GPR20: variants seen among roughly 807,000 people sequenced by gnomAD.
The protein encoded by GPR20 is G protein-coupled receptor 20.
For missense variants in GPR20, 494 were observed against 527.4 expected (o/e 0.94, Z 0.62); for synonymous variants, 241 against 241.9 (o/e 1.00, Z 0.04).
In GPR20 at chr8:141,356,752, G is replaced by A. The variant is rs985937227; in HGVS notation, c.*95C>T. On this transcript the variant is annotated 3_prime_UTR_variant, in exon 2 of 2. Transcript: ENST00000377741. ...TCTGGGTAGCCATCACCAATCAATC[G>A]AGATGGAACCGATTGCCACCCCTGG... 8.4e-6 allele frequency: 7 copies of A among 828,948 alleles called. No homozygotes were observed. The highest frequency in any genetic ancestry group is 6.8e-5 in the African/African-American group (4 of 58,816). 51.3% of individuals were successfully genotyped at this position (828,948 alleles called of 1,614,324 possible). A position where few individuals can be genotyped will look rare whatever the true frequency, so the allele number is the denominator to read the frequency against.
At chr8:141,360,385 T>G (rs1361677136) in intron 1 of GPR20, among the ~76,000 whole-genome samples, 1 of 152,214 alleles carries the variant, frequency 6.6e-6, no homozygotes, top group Non-Finnish European at 1.5e-5. Flanking sequence ...CAATGGGCGT[T>G]GATTCCTGTG....
rs1386369500 is a variant in GPR20 at position 141,357,789 on chromosome 8, C to A, written c.135G>T (p.Leu45=). The change falls in exon 2 of 2, where the codon CTG becomes CTT. Residue 45 remains leucine, a synonymous_variant. Coordinates refer to ENST00000377741, the MANE Select transcript of GPR20 (RefSeq NM_005293.3). The part of the protein sequence containing the change: ...FHLFARLDEE[L]HGTFPGLWLA... ...GCCACAGGCCTGGGAAGGTGCCATG[C>A]AGCTCCTCGTCCAGCCGGGCAAACA... The A allele has an allele frequency of 1.2e-6, 2 of 1,613,412 alleles. No individual in the cohort carries two copies. The highest frequency in any genetic ancestry group is 2.7e-5 in the African/African-American group (2 of 75,064).
intron 1 of GPR20, among the ~76,000 whole-genome samples, chr8:141,361,973 C>T (rs1442556392): frequency 1.3e-5 from 2 of 152,228 alleles, no homozygotes; most frequent in Non-Finnish European, 2.9e-5. Flanking sequence ...CCCTCATGCC[C>T]TCCCCGTAGG....
intron 1 of GPR20, among the ~76,000 whole-genome samples, chr8:141,366,075 G>A (rs1202997099): frequency 6.6e-6 from 1 of 152,204 alleles, no homozygotes; most frequent in Non-Finnish European, 1.5e-5. Context: ...AAGAGGAGAT[G>A]CTAATACCAC....
At chr8:141,358,398 C>T (rs180946246) in intron 1 of GPR20, among the ~76,000 whole-genome samples, 381 of 152,354 alleles carry the variant, frequency 2.5e-3, no homozygotes, top group South Asian at 0.02. Flanking sequence ...GCCACTTAAC[C>T]TCTCTACCTG....
intron 1 of GPR20, among the ~76,000 whole-genome samples, chr8:141,364,539 G>A (rs1831785974): frequency 6.6e-6 from 1 of 152,166 alleles, no homozygotes; most frequent in African/African-American, 2.4e-5. Context: ...CACGCCCACA[G>A]GCCAGGGCTC....
chr8:141,363,117 G>C (rs771123104), intron 1 of GPR20, among the ~76,000 whole-genome samples: 9 of 152,200 alleles, frequency 5.9e-5, no homozygotes, highest in Non-Finnish European at 7.3e-5. Context: ...CGCCACCTTC[G>C]AGGCCTCGGG....
At chr8:141,360,656 C>T (rs922834071) in intron 1 of GPR20, among the ~76,000 whole-genome samples, 17 of 152,224 alleles carry the variant, frequency 1.1e-4, no homozygotes, top group African/African-American at 3.9e-4. Context: ...GGAAGTGGCT[C>T]CCTGGCGAGT....
At chr8:141,364,367 T>C (rs558933118) in intron 1 of GPR20, among the ~76,000 whole-genome samples, 22 of 152,378 alleles carry the variant, frequency 1.4e-4, no homozygotes, top group African/African-American at 4.8e-4. Flanking sequence ...CATCTGCTTT[T>C]GAATATCATC....
At chr8:141,359,532 C>A (rs79162563) in intron 1 of GPR20, among the ~76,000 whole-genome samples, 2 of 152,210 alleles carry the variant, frequency 1.3e-5, no homozygotes, top group South Asian at 2.1e-4. Context: ...GCCACCCCCA[C>A]CACACAAGGG....
At chr8:141,365,579 C>T (rs555450255) in intron 1 of GPR20, among the ~76,000 whole-genome samples, 1 of 152,228 alleles carries the variant, frequency 6.6e-6, no homozygotes, top group African/African-American at 2.4e-5. Flanking sequence ...CCCACCTTTC[C>T]GAGCTGACAG....
chr8:141,366,576 TCA>T (rs745798500), intron 1 of GPR20, among the ~76,000 whole-genome samples: 7 of 152,222 alleles, frequency 4.6e-5, no homozygotes, highest in Non-Finnish European at 1.0e-4. Context: ...TCCCTGGGAC[TCA>T]GTTTCCCCAC....
At chr8:141,358,611 A>G (rs2154616559) in intron 1 of GPR20, among the ~76,000 whole-genome samples, 2 of 152,168 alleles carry the variant, frequency 1.3e-5, no homozygotes, top group Non-Finnish European at 2.9e-5. Context: ...GGGACCACCC[A>G]TCTGTTCTCC....
At chr8:141,365,231 C>T (rs1053388269) in intron 1 of GPR20, among the ~76,000 whole-genome samples, 1 of 152,192 alleles carries the variant, frequency 6.6e-6, no homozygotes, top group Non-Finnish European at 1.5e-5. Flanking sequence ...CTGAAGGGCA[C>T]CCGCTGGGCT....
chr8:141,365,507 G>A (rs1258228818), intron 1 of GPR20, among the ~76,000 whole-genome samples: 2 of 152,228 alleles, frequency 1.3e-5, no homozygotes, highest in Non-Finnish European at 2.9e-5. Context: ...CAGTTTGGAG[G>A]TGTCAGACCA....
intron 1 of GPR20, among the ~76,000 whole-genome samples, chr8:141,366,967 C>T (rs2154616694): frequency 6.6e-6 from 1 of 152,372 alleles, no homozygotes; most frequent in East Asian, 1.9e-4. Context: ...GCCAGCCCAA[C>T]TCACGCCCAT....
intron 1 of GPR20, among the ~76,000 whole-genome samples, chr8:141,360,447 C>T (rs1447846011): frequency 6.6e-6 from 1 of 152,272 alleles, no homozygotes; most frequent in Admixed American, 6.5e-5. Context: ...CCCGGACCTT[C>T]TGTCCCTGTC....
chr8:141,360,073 G>A (rs1405507286), intron 1 of GPR20, among the ~76,000 whole-genome samples: 1 of 152,284 alleles, frequency 6.6e-6, no homozygotes, highest in East Asian at 1.9e-4. Flanking sequence ...CAGCCCAGCA[G>A]GCTCACCAGC....
At position 141,357,415 on chromosome 8, in the gene GPR20, A is replaced by G; in HGVS notation, c.509T>C (p.Val170Ala). The stretch of plus-strand genomic sequence containing the variant: ...GGCGGCCAGCCACACGAAGGCGCAC[A>G]CGGCCCTGGCACAGGCAGGCTGGCG... The part of the protein sequence containing the change: ...RCRQPACARA[V>A]CAFVWLAAGA... The change falls in exon 2 of 2, where the codon GTG becomes GCG. Residue 170 changes from valine (V) to alanine (A), a missense_variant. Val to Ala is a moderately conservative substitution (Grantham distance 64). Coordinates refer to ENST00000377741, the MANE Select transcript of GPR20 (RefSeq NM_005293.3). 1 of 1,604,492 alleles carries G rather than the reference A, an allele frequency of 6.2e-7. No homozygotes were observed. Among genetic ancestry groups the G allele is most frequent in the Non-Finnish European group, 8.5e-7 (1 of 1,176,832 alleles).
Sources: gnomAD v4.1 joint callset for allele counts (sites outside exome capture counted in the v4.1 genomes callset) on GRCh38, gnomAD v4.1.1 for gene constraint, MANE v1.5 for transcripts, NCBI Gene and HGNC (gene_info 2026-07-23, HGNC 2026-07-21) for gene names.